The following CADM1 variants were observed in gnomAD, a reference collection of about 807,000 sequenced individuals.
CADM1 encodes the protein cell adhesion molecule 1.
In CADM1, 15 loss-of-function variants were observed where a neutral mutation model predicts 53.1. The ratio of observed to expected loss-of-function variants is 0.28; its 90% CI spans 0.19 to 0.44. The LOEUF is 0.44. Ranked by LOEUF, CADM1 falls within the 20% of genes least tolerant of loss-of-function variation. CADM1 has a pLI of 1.00. For missense variants in CADM1, 434 were observed against 611.3 expected, an observed-to-expected ratio of 0.71 and a Z score of 3.06; for synonymous variants, 281 against 243.0, an observed-to-expected ratio of 1.16 and a Z score of -1.45.
chr11:115,319,921 T>C (rs1944776514), intron 1 of CADM1, among the ~76,000 whole-genome samples: 1 of 152,214 alleles, frequency 6.6e-6, no homozygotes, highest in Non-Finnish European at 1.5e-5. Flanking sequence ...CATAATTTTA[T>C]CTTCCTGTTG....
At chr11:115,256,685 G>C in intron 1 of CADM1, 1 of 398,062 alleles carries the variant, frequency 2.5e-6, no homozygotes, top group Non-Finnish European at 5.2e-6. Context: ...AGGTGGGCAG[G>C]GAGAGAGAGC....
rs769987360 is a variant in CADM1, at chr11:115,170,109, G to A, written c.*6365C>T. ...TTTAAGCCTGGTGATTAATTAACCT[G>A]AGAAGATAGCACTTAAGGAAGATTT... On this transcript the variant is annotated 3_prime_UTR_variant, in exon 12 of 12. Transcript: ENST00000331581. 27 of 158,090 alleles carry A rather than the reference G, an allele frequency of 1.7e-4. No individual in the cohort carries two copies. The highest frequency in any genetic ancestry group is 3.5e-4 in the Non-Finnish European group (25 of 71,446). The allele number at this position is 158,090 out of a possible 1,614,324, so 9.8% of individuals were successfully genotyped here. A position where few individuals can be genotyped will look rare whatever the true frequency, so the allele number is the denominator to read the frequency against.
intron 1 of CADM1, among the ~76,000 whole-genome samples, chr11:115,466,111 G>GA (rs950471667): frequency 3.4e-4 from 52 of 151,078 alleles, no homozygotes; most frequent in African/African-American, 1.1e-3. Flanking sequence ...AAAAAGCTAT[G>GA]AAAAAAAAAC....
At chr11:115,340,658 A>ATTTTTTTTTT (rs869273547) in intron 1 of CADM1, among the ~76,000 whole-genome samples, 5 of 34,938 alleles carry the variant, frequency 1.4e-4, no homozygotes, top group African/African-American at 5.6e-4. Context: ...ATATATATAT[A>ATTTTTTTTTT]TTTTTTTTTT....
At chr11:115,455,658 A>C (rs780429552) in intron 1 of CADM1, among the ~76,000 whole-genome samples, 2 of 152,130 alleles carry the variant, frequency 1.3e-5, no homozygotes, top group Non-Finnish European at 2.9e-5. Context: ...GTCCCTAACT[A>C]AACAAAACAA....
At chr11:115,486,933 G>C (rs1426127030) in intron 1 of CADM1, among the ~76,000 whole-genome samples, 1 of 152,154 alleles carries the variant, frequency 6.6e-6, no homozygotes, top group Non-Finnish European at 1.5e-5. Flanking sequence ...CCCGTGATCT[G>C]AAATCTCAGC....
intron 1 of CADM1, among the ~76,000 whole-genome samples, chr11:115,396,462 C>G (rs1946999221): frequency 6.6e-6 from 1 of 152,154 alleles, no homozygotes; most frequent in Non-Finnish European, 1.5e-5. Context: ...GCATTTTGGT[C>G]ATTTCAACAA....
intron 1 of CADM1, among the ~76,000 whole-genome samples, chr11:115,387,475 G>A (rs1370610730): frequency 6.6e-6 from 1 of 152,022 alleles, no homozygotes; most frequent in Non-Finnish European, 1.5e-5. Flanking sequence ...GTGAGAAAAA[G>A]AATAATATAA....
At chr11:115,410,502 G>A (rs978558840) in intron 1 of CADM1, among the ~76,000 whole-genome samples, 1 of 152,082 alleles carries the variant, frequency 6.6e-6, no homozygotes, top group Non-Finnish European at 1.5e-5. Flanking sequence ...AGGGTGGGGG[G>A]AAGAGCAACA....
intron 1 of CADM1, among the ~76,000 whole-genome samples, chr11:115,275,841 G>C (rs1943430294): frequency 6.6e-6 from 1 of 152,156 alleles, no homozygotes; most frequent in South Asian, 2.1e-4. Flanking sequence ...CACTAACGGA[G>C]ACATATTTTT....
At chr11:115,424,589 G>A (rs1032834640) in intron 1 of CADM1, among the ~76,000 whole-genome samples, 4 of 151,982 alleles carry the variant, frequency 2.6e-5, no homozygotes, top group South Asian at 2.1e-4. Context: ...GTGCAGTGGC[G>A]AGATCTCTGT....
At chr11:115,485,575 A>G (rs767963544) in intron 1 of CADM1, among the ~76,000 whole-genome samples, 25 of 152,250 alleles carry the variant, frequency 1.6e-4, no homozygotes, top group Non-Finnish European at 2.4e-4. Flanking sequence ...TTGTCAGTGA[A>G]TAAGTCTCAC....
At position 115,407,873 on chromosome 11, in the gene CADM1, T is replaced by TAAAAAA. The variant is rs148209064; in HGVS notation, c.124+96392_124+96397dup. Among the ~76,000 whole-genome samples, 20 of 31,742 alleles carry TAAAAAA rather than the reference T, an allele frequency of 6.3e-4. 1 individual carries two copies. Among genetic ancestry groups the TAAAAAA allele is most frequent in the South Asian group, 2.5e-3 (1 of 396 alleles). The allele number at this position is 31,742 out of a possible 152,430, so 20.8% of individuals were successfully genotyped here. On this transcript the variant is annotated intron_variant, in intron 1 of 11. Transcript: ENST00000331581. ...AGAAGGAAAGTAAGACCCTGTCATT[T>TAAAAAA]AAAAAAAAAAAAAAAAAAAAAAAAA... is the stretch of plus-strand genomic sequence containing the variant.
intron 1 of CADM1, among the ~76,000 whole-genome samples, chr11:115,432,234 C>T (rs1948073977): frequency 6.6e-6 from 1 of 152,086 alleles, no homozygotes; most frequent in East Asian, 1.9e-4. Context: ...CGTGAGCCAC[C>T]ACACCCGGCC....
At chr11:115,311,380 TCGGGGATCATC>T (rs908096918) in intron 1 of CADM1, among the ~76,000 whole-genome samples, 3 of 152,072 alleles carry the variant, frequency 2.0e-5, no homozygotes, top group African/African-American at 7.2e-5. Flanking sequence ...TAATCATCCC[TCGGGGATCATC>T]AGGGGTTCAG....
At chr11:115,350,352 A>C (rs1481555925) in intron 1 of CADM1, among the ~76,000 whole-genome samples, 1 of 152,212 alleles carries the variant, frequency 6.6e-6, no homozygotes, top group Non-Finnish European at 1.5e-5. Flanking sequence ...AGGGTGATTC[A>C]GGAAGTATGT....
chr11:115,232,163 A>AAACCCCAGAAAGCAGT, intron 3 of CADM1, among the ~76,000 whole-genome samples: 1 of 152,204 alleles, frequency 6.6e-6, no homozygotes, highest in Non-Finnish European at 1.5e-5. Flanking sequence ...CCTTACCAGG[A>AAACCCCAGAAAGCAGT]AACCCCAGAA....
chr11:115,416,336 A>G (rs1248997614), intron 1 of CADM1, among the ~76,000 whole-genome samples: 2 of 152,202 alleles, frequency 1.3e-5, no homozygotes, highest in African/African-American at 2.4e-5. Context: ...ATGAAACAAT[A>G]TATTTCTATT....
chr11:115,302,675 G>A (rs1944260763), intron 1 of CADM1, among the ~76,000 whole-genome samples: 1 of 152,024 alleles, frequency 6.6e-6, no homozygotes, highest in Non-Finnish European at 1.5e-5. Flanking sequence ...TTTTGCTACT[G>A]GGGTTATTGT....
Sources: gnomAD v4.1 joint callset for allele counts (sites outside exome capture counted in the v4.1 genomes callset) on GRCh38, gnomAD v4.1.1 for gene constraint, MANE v1.5 for transcripts, NCBI Gene and HGNC (gene_info 2026-07-23, HGNC 2026-07-21) for gene names.